Variants in RASGRP3 observed in about 807,000 individuals in gnomAD.
RASGRP3 encodes RAS guanyl releasing protein 3.
A neutral mutation model predicts 82.7 loss-of-function variants in RASGRP3; 54 were observed. The ratio of observed to expected loss-of-function variants is 0.65; its 90% CI spans 0.52 to 0.82. The LOEUF (loss-of-function observed/expected upper bound fraction) is 0.82, where lower values mean the gene tolerates loss of function less well. RASGRP3 is among the 40% of genes least tolerant of loss of function. The pLI, the probability that RASGRP3 is intolerant of heterozygous loss-of-function variation, is 0.00. For synonymous variants in RASGRP3, 309 were observed against 300.5 expected (o/e 1.03, Z -0.29); for missense variants, 861 against 828.9 (o/e 1.04, Z -0.48).
chr2:33,493,748 T>C (rs778340894), intron 1 of RASGRP3, among the ~76,000 whole-genome samples: 5 of 151,096 alleles, frequency 3.3e-5, no homozygotes, highest in Non-Finnish European at 5.9e-5. Context: ...ACCAAGTTCC[T>C]GAATGAATAA....
intron 1 of RASGRP3, among the ~76,000 whole-genome samples, chr2:33,504,127 G>A (rs979108934): frequency 6.6e-6 from 1 of 152,120 alleles, no homozygotes; most frequent in Non-Finnish European, 1.5e-5. Flanking sequence ...AATTGCATAT[G>A]TCTATCCTAT....
At chr2:33,465,879 A>G (rs1463926336) in intron 2 of RASGRP3, among the ~76,000 whole-genome samples, 2 of 151,952 alleles carry the variant, frequency 1.3e-5, no homozygotes, top group Admixed American at 6.6e-5. Flanking sequence ...CTTTTTCTCT[A>G]TAAATGGAAC....
intron 1 of RASGRP3, among the ~76,000 whole-genome samples, chr2:33,489,158 A>G (rs1469787952): frequency 2.6e-5 from 4 of 152,232 alleles, no homozygotes; most frequent in Non-Finnish European, 5.9e-5. Context: ...CAAAATGCTC[A>G]CGACAGCCCT....
At chr2:33,472,956 A>T (rs1234598059), upstream of RASGRP3, among the ~76,000 whole-genome samples, 1 of 151,912 alleles carries the variant, frequency 6.6e-6, no homozygotes, top group African/African-American at 2.4e-5. Context: ...AGTGAGGGAA[A>T]AAAAGCCAAG....
intron 9 of RASGRP3, among the ~76,000 whole-genome samples, chr2:33,524,769 T>G (rs1672358237): frequency 6.6e-6 from 1 of 152,012 alleles, no homozygotes; most frequent in Non-Finnish European, 1.5e-5. Context: ...GAAGAATGCT[T>G]TGACATACCA....
intron 15 of RASGRP3, among the ~76,000 whole-genome samples, chr2:33,556,806 T>G (rs949580780): frequency 6.6e-6 from 1 of 151,780 alleles, no homozygotes; most frequent in African/African-American, 2.4e-5. Flanking sequence ...ATTTTTACTT[T>G]CAAGCAGCAA....
intron 17 of RASGRP3, 39 bp downstream of exon 17, chr2:33,559,069 G>A (rs748238778): frequency 1.3e-6 from 2 of 1,499,550 alleles, no homozygotes; most frequent in East Asian, 4.7e-5. Flanking sequence ...ACCAGAAGAA[G>A]GAGGCTGAAA....
chr2:33,519,554 C>T (rs1428644389), intron 4 of RASGRP3, among the ~76,000 whole-genome samples: 1 of 152,174 alleles, frequency 6.6e-6, no homozygotes, highest in Non-Finnish European at 1.5e-5. Context: ...TTGCAGTGAA[C>T]CGAGATCGTG....
intron 6 of RASGRP3, 94 bp downstream of exon 6, chr2:33,520,778 C>T: frequency 2.6e-6 from 4 of 1,512,844 alleles, no homozygotes; most frequent in Non-Finnish European, 3.6e-6. Context: ...CCATCCCACT[C>T]CTGAATCCAG....
At chr2:33,491,921 G>A (rs555672300) in intron 1 of RASGRP3, among the ~76,000 whole-genome samples, 27 of 152,348 alleles carry the variant, frequency 1.8e-4, no homozygotes, top group Non-Finnish European at 3.4e-4. Flanking sequence ...GGTAACGGGG[G>A]TGAACAAAGT....
chr2:33,464,488 A>G (rs1246596034), intron 2 of RASGRP3, among the ~76,000 whole-genome samples: 1 of 146,308 alleles, frequency 6.8e-6, no homozygotes, highest in Non-Finnish European at 1.5e-5. Flanking sequence ...TAAAAAAAAA[A>G]AAAAAGATAG....
At chr2:33,523,644 G>A (rs1357556486) in intron 7 of RASGRP3, among the ~76,000 whole-genome samples, 1 of 152,134 alleles carries the variant, frequency 6.6e-6, no homozygotes, top group Non-Finnish European at 1.5e-5. Flanking sequence ...CACCAAAGCT[G>A]TGATGTGTAG....
chr2:33,537,120 T>C (rs1345432267), intron 11 of RASGRP3, among the ~76,000 whole-genome samples: 1 of 151,716 alleles, frequency 6.6e-6, no homozygotes, highest in African/African-American at 2.4e-5. Flanking sequence ...CTTAGCAGGA[T>C]GGGGAGCTGG....
At chr2:33,545,865 C>T (rs1217061273) in intron 13 of RASGRP3, among the ~76,000 whole-genome samples, 1 of 152,274 alleles carries the variant, frequency 6.6e-6, no homozygotes, top group East Asian at 1.9e-4. Context: ...AGTGCACTGG[C>T]ACAATCTCGG....
intron 2 of RASGRP3, among the ~76,000 whole-genome samples, chr2:33,470,854 C>A (rs1243238167): frequency 6.6e-6 from 1 of 151,986 alleles, no homozygotes. Context: ...TTAGTTTGTT[C>A]TATTGAGAAA....
chr2:33,526,749 C>G (rs1558487257), intron 9 of RASGRP3, among the ~76,000 whole-genome samples: 1 of 152,194 alleles, frequency 6.6e-6, no homozygotes, highest in Non-Finnish European at 1.5e-5. Flanking sequence ...CCAAATTAAC[C>G]TCGAGTAATA....
chr2:33,487,626 C>T (rs569631471), intron 1 of RASGRP3, among the ~76,000 whole-genome samples: 1 of 152,308 alleles, frequency 6.6e-6, no homozygotes, highest in South Asian at 2.1e-4. Flanking sequence ...CTATTACCCT[C>T]AAACAAAAGT....
At chr2:33,522,455 T>C (rs1672129880) in intron 7 of RASGRP3, among the ~76,000 whole-genome samples, 1 of 152,182 alleles carries the variant, frequency 6.6e-6, no homozygotes, top group Non-Finnish European at 1.5e-5. Flanking sequence ...TGGGAAAAAA[T>C]ATTTAGTTAG....
intron 2 of RASGRP3, among the ~76,000 whole-genome samples, chr2:33,465,379 G>A (rs1666635591): frequency 6.6e-6 from 1 of 152,132 alleles, no homozygotes; most frequent in African/African-American, 2.4e-5. Context: ...TAAGGCTTAA[G>A]GAATAACACT....
Sources: gnomAD v4.1 joint callset for allele counts (sites outside exome capture counted in the v4.1 genomes callset) on GRCh38, gnomAD v4.1.1 for gene constraint, MANE v1.5 for transcripts, NCBI Gene and HGNC (gene_info 2026-07-23, HGNC 2026-07-21) for gene names.